GLG1: variants seen among roughly 807,000 people sequenced by gnomAD.
GLG1 encodes the protein Golgi apparatus protein 1.
Under a neutral mutation model 160.5 loss-of-function variants are expected in GLG1, and 38 were observed. The ratio of observed to expected loss-of-function variants is 0.24; its 90% confidence interval spans 0.18 to 0.31. The LOEUF (loss-of-function observed/expected upper bound fraction) is 0.31, where lower values mean the gene tolerates loss of function less well. Among genes scored for constraint, GLG1 ranks in the 10% least tolerant of loss-of-function variants. GLG1 has a pLI of 1.00. For missense variants in GLG1, 1,373 were observed against 1,505.2 expected, an observed-to-expected ratio of 0.91 and a Z score of 1.45; for synonymous variants, 644 against 543.4, an observed-to-expected ratio of 1.19 and a Z score of -2.57.
chr16:74,553,391 A>G (rs2018260640), intron 1 of GLG1, among the ~76,000 whole-genome samples: 1 of 151,574 alleles, frequency 6.6e-6, no homozygotes, highest in South Asian at 2.1e-4. Context: ...GACTATTCTG[A>G]CAGATTCTAG....
At chr16:74,599,415 G>A (rs1000492140) in intron 1 of GLG1, among the ~76,000 whole-genome samples, 2 of 152,144 alleles carry the variant, frequency 1.3e-5, no homozygotes, top group Non-Finnish European at 2.9e-5. Flanking sequence ...GGAGCTGGAA[G>A]AATCTTAAGA....
intron 4 of GLG1, among the ~76,000 whole-genome samples, chr16:74,501,818 T>A (rs2903726): frequency 6.6e-6 from 1 of 152,210 alleles, no homozygotes; most frequent in Admixed American, 6.5e-5. Flanking sequence ...TGCTTTTGTG[T>A]CATTTTGAGA....
intron 1 of GLG1, 112 bp from the exon 2 acceptor site, chr16:74,532,265 C>T (rs1211326478): frequency 5.4e-6 from 2 of 373,428 alleles, no homozygotes. Context: ...AACAAGAAAT[C>T]TGAATATTCA....
chr16:74,557,423 T>G (rs988038931), intron 1 of GLG1, among the ~76,000 whole-genome samples: 8 of 152,142 alleles, frequency 5.3e-5, no homozygotes, highest in African/African-American at 1.9e-4. Context: ...AAGCTCTCTT[T>G]AGGTCTGGGG....
At chr16:74,506,639 G>C (rs907659421) in intron 3 of GLG1, among the ~76,000 whole-genome samples, 5 of 137,600 alleles carry the variant, frequency 3.6e-5, no homozygotes, top group Non-Finnish European at 6.2e-5. Context: ...TTGAACTGTA[G>C]CCTCAATAAG....
At chr16:74,544,304 C>T (rs1051871495) in intron 1 of GLG1, among the ~76,000 whole-genome samples, 20 of 152,308 alleles carry the variant, frequency 1.3e-4, no homozygotes, top group East Asian at 3.9e-4. Context: ...AATTATTTAA[C>T]ATGTTTTTGT....
intron 1 of GLG1, among the ~76,000 whole-genome samples, chr16:74,545,003 T>C (rs1185091180): frequency 1.4e-5 from 2 of 146,482 alleles, no homozygotes; most frequent in Non-Finnish European, 3.0e-5. Context: ...AGTGTTCTAT[T>C]AAAGCCTCAA....
intron 1 of GLG1, among the ~76,000 whole-genome samples, chr16:74,599,525 C>G (rs1958388280): frequency 6.6e-6 from 1 of 152,142 alleles, no homozygotes; most frequent in Admixed American, 6.5e-5. Flanking sequence ...TCAAGACCAG[C>G]CTGGCCAACA....
intron 2 of GLG1, among the ~76,000 whole-genome samples, chr16:74,512,025 G>A (rs187416680): frequency 6.6e-6 from 1 of 151,826 alleles, no homozygotes; most frequent in Non-Finnish European, 1.5e-5. Flanking sequence ...TATTCACAAG[G>A]ATGGGCAACA....
At chr16:74,489,627 A>T (rs963564851) in intron 8 of GLG1, among the ~76,000 whole-genome samples, 1 of 152,244 alleles carries the variant, frequency 6.6e-6, no homozygotes, top group African/African-American at 2.4e-5. Flanking sequence ...GGAAGTCACC[A>T]GTAACAACTG....
chr16:74,550,978 A>G (rs902598565), intron 1 of GLG1, among the ~76,000 whole-genome samples: 2 of 152,190 alleles, frequency 1.3e-5, no homozygotes, highest in African/African-American at 4.8e-5. Context: ...TAATGTCTGA[A>G]GTTAGAGCAA....
intron 23 of GLG1, 36 bp downstream of exon 23, chr16:74,459,642 AAAAG>A: frequency 9.4e-7 from 1 of 1,067,180 alleles, no homozygotes; most frequent in Non-Finnish European, 1.4e-6. Flanking sequence ...GAAAAAAAAA[AAAAG>A]AAATGAAGTG....
chr16:74,556,527 TAA>T (rs2018357681), intron 1 of GLG1, among the ~76,000 whole-genome samples: 2 of 151,878 alleles, frequency 1.3e-5, no homozygotes, highest in Admixed American at 1.3e-4. Flanking sequence ...CCTCTACAAA[TAA>T]AATAGTCAGC....
chr16:74,460,302 T>C (rs1392426038), intron 22 of GLG1, among the ~76,000 whole-genome samples: 1 of 152,196 alleles, frequency 6.6e-6, no homozygotes, highest in African/African-American at 2.4e-5. Flanking sequence ...TTACAGGGCA[T>C]GAGCCACCGC....
Position 74,483,689 on chromosome 16 carries a change from C to T in GLG1, c.1572-565G>A, listed in dbSNP as rs183470032. On this transcript the variant is annotated intron_variant, in intron 9 of 25. Transcript: ENST00000422840. ...TTTTTTTTTTTTTGAGATGGAGTCTCGCTCTGTCGCCCAGGCTGGAGTGCA... is the reference window on the plus strand; with the variant it reads ...TTTTTTTTTTTTTGAGATGGAGTCTTGCTCTGTCGCCCAGGCTGGAGTGCA... Among the ~76,000 whole-genome samples, 21 of 149,442 alleles carry T rather than the reference C, an allele frequency of 1.4e-4. No individual in the cohort carries two copies. The East Asian group carries it at 3.1e-3, about 22-fold the overall frequency.
chr16:74,450,634 A>C lies in GLG1; in HGVS notation c.*2533T>G, dbSNP rs958592460. ...GGGAAGCTGAGGCGGGTGGATCATG[A>C]GATCAGGAGTTCAAGACCAGCCTGG... On this transcript the variant is annotated 3_prime_UTR_variant, in exon 26 of 26. Transcript: ENST00000422840. The C allele has an allele frequency of 6.6e-6, 1 of 152,142 alleles. No individual in the cohort carries two copies. Among genetic ancestry groups the C allele is most frequent in the African/African-American group, 2.4e-5 (1 of 41,418 alleles). The allele number at this position is 152,142 out of a possible 1,614,324, so 9.4% of individuals were successfully genotyped here.
intron 1 of GLG1, among the ~76,000 whole-genome samples, chr16:74,570,075 A>C (rs1234771901): frequency 1.3e-5 from 2 of 151,962 alleles, no homozygotes; most frequent in Non-Finnish European, 2.9e-5. Flanking sequence ...TTGATGGCTC[A>C]TAATTTTATT....
At chr16:74,479,682 A>G (rs1337226509) in intron 11 of GLG1, among the ~76,000 whole-genome samples, 1 of 152,190 alleles carries the variant, frequency 6.6e-6, no homozygotes, top group Non-Finnish European at 1.5e-5. Flanking sequence ...CAGAAGGTAG[A>G]GAAAGCCATC....
chr16:74,589,336 C>A (rs1958122644), intron 1 of GLG1, among the ~76,000 whole-genome samples: 1 of 151,722 alleles, frequency 6.6e-6, no homozygotes, highest in Admixed American at 6.6e-5. Flanking sequence ...TTGGTAATTT[C>A]TTATAGTTCA....
Sources: allele counts gnomAD v4.1 joint callset (sites outside exome capture counted in the v4.1 genomes callset), GRCh38; gene constraint gnomAD v4.1.1; transcripts MANE v1.5; gene names NCBI Gene and HGNC (gene_info 2026-07-23, HGNC 2026-07-21).